FAM120A: variants seen among roughly 807,000 people sequenced by gnomAD.
FAM120A encodes family with sequence similarity 120 member A, also known as constitutive coactivator of PPAR-gamma-like protein 1.
In FAM120A, 15 loss-of-function variants were observed where a neutral mutation model predicts 109.7. The observed-to-expected ratio is 0.14, with a 90% confidence interval of 0.09 to 0.21. FAM120A has a LOEUF of 0.21. FAM120A is among the 10% of genes least tolerant of loss of function. The probability of loss-of-function intolerance (pLI) is 1.00; values close to 1 mark genes in which losing one functional copy is unlikely to be tolerated. For synonymous variants in FAM120A, 493 were observed against 572.8 expected (o/e 0.86, Z 1.99); for missense variants, 899 against 1,439.3 (o/e 0.62, Z 6.07).
At chr9:93,562,103 T>C in intron 16 of FAM120A, 105 bp from the exon 17 acceptor site, 1 of 982,390 alleles carries the variant, frequency 1.0e-6, no homozygotes, top group Non-Finnish European at 1.5e-6. Context: ...AATTCAGTGC[T>C]TCATAAAACG....
intron 10 of FAM120A, 152 bp from the exon 11 acceptor site, chr9:93,543,070 A>G: frequency 1.1e-6 from 1 of 906,822 alleles, no homozygotes. Flanking sequence ...ACCCACAAGG[A>G]CTTGATGATT....
chr9:93,525,762 G>A (rs1020781189), intron 7 of FAM120A, among the ~76,000 whole-genome samples: 6 of 152,150 alleles, frequency 3.9e-5, no homozygotes, highest in African/African-American at 9.7e-5. Context: ...GGTTTTTGAC[G>A]TGTCTGAGCC....
chr9:93,497,506 C>CG lies in FAM120A; in HGVS notation c.841dup (p.Val281GlyfsTer8), dbSNP rs1564327676. The CG allele has an allele frequency of 6.2e-7, 1 of 1,613,476 alleles. No individual in the cohort carries two copies. Among genetic ancestry groups the CG allele is most frequent in the African/African-American group, 1.3e-5 (1 of 74,852 alleles). ...ACCAGCTGGTCTTGCCACCTTGCGACGTAGTGATCAAAGCCGTTGCTGACT... is the reference window on the plus strand; with the variant it reads ...ACCAGCTGGTCTTGCCACCTTGCGACGGTAGTGATCAAAGCCGTTGCTGACT... On this transcript the variant is annotated frameshift_variant, in exon 4 of 18. Transcript: ENST00000277165. LOFTEE classifies it high-confidence loss of function.
At chr9:93,549,067 C>CA (rs202093808) in intron 11 of FAM120A, among the ~76,000 whole-genome samples, 11,776 of 150,196 alleles carry the variant, frequency 0.078, 580 homozygotes, top group Non-Finnish European at 0.11. Context: ...AAAAACAAAC[C>CA]AAAAAAAAAC....
rs532707437 is a variant in FAM120A, at chr9:93,538,839, C to T, written c.1910-4383C>T. ...CTTAGTTGTCATGTTAAATGTGCTACTAAAAGAAGATGACTAACACCTGAT... is the reference window on the plus strand; with the variant it reads ...CTTAGTTGTCATGTTAAATGTGCTATTAAAAGAAGATGACTAACACCTGAT... On this transcript the variant is annotated intron_variant, in intron 10 of 17. Transcript: ENST00000277165. Among the ~76,000 whole-genome samples the T allele has an allele frequency of 1.1e-3, 171 of 152,134 alleles. 2 individuals are homozygous for T. Among genetic ancestry groups the T allele is most frequent in the African/African-American group, 4.0e-3 (168 of 41,534 alleles).
At position 93,564,579 on chromosome 9, in the gene FAM120A, A is replaced by C. The variant is rs777579126; in HGVS notation, c.*39A>C. 1 of 1,524,754 alleles carries C rather than the reference A, an allele frequency of 6.6e-7. No individual in the cohort carries two copies. Among genetic ancestry groups the C allele is most frequent in the Admixed American group, 1.8e-5 (1 of 54,072 alleles). 94.5% of individuals were successfully genotyped at this position (1,524,754 alleles called of 1,614,324 possible). A position where few individuals can be genotyped will look rare whatever the true frequency, so the allele number is the denominator to read the frequency against. Reference sequence around the variant, plus strand: ...AGAGGGTGAAGGATGCTGGAAGGGTAAGGATTTAGGAATATCTGGAGAGAA... The same window carrying C: ...AGAGGGTGAAGGATGCTGGAAGGGTCAGGATTTAGGAATATCTGGAGAGAA... On this transcript the variant is annotated 3_prime_UTR_variant, in exon 18 of 18. Coordinates refer to ENST00000277165, the MANE Select transcript of FAM120A (RefSeq NM_014612.5).
At chr9:93,484,476 C>T (rs560386595) in intron 3 of FAM120A, among the ~76,000 whole-genome samples, 2 of 152,162 alleles carry the variant, frequency 1.3e-5, no homozygotes, top group South Asian at 2.1e-4. Context: ...TGAAAGATAC[C>T]GTGTTGGTAG....
Position 93,498,934 on chromosome 9 carries a change from A to G in FAM120A, c.1030+48A>G. ...TCAATATTGACCATATGATAATCCAAGTAGGTTTAAATATTCACCATATAA... is the reference window on the plus strand; with the variant it reads ...TCAATATTGACCATATGATAATCCAGGTAGGTTTAAATATTCACCATATAA... On this transcript the variant is annotated intron_variant, in intron 5 of 17. Coordinates refer to ENST00000277165, the MANE Select transcript of FAM120A (RefSeq NM_014612.5). The surrounding 1 kb of genome is among the most constrained non-coding windows in gnomAD (Gnocchi z 4.4). 2 of 1,107,726 alleles carry G rather than the reference A, an allele frequency of 1.8e-6. No homozygotes were observed. The highest frequency in any genetic ancestry group is 2.8e-6 in the Non-Finnish European group (2 of 723,524). The allele number at this position is 1,107,726 out of a possible 1,614,324, so 68.6% of individuals were successfully genotyped here.
intron 3 of FAM120A, among the ~76,000 whole-genome samples, chr9:93,484,731 G>A (rs1443769496): frequency 1.3e-5 from 2 of 152,028 alleles, no homozygotes; most frequent in African/African-American, 2.4e-5. Flanking sequence ...GTGCCACCAC[G>A]CCTGGCTGAT....
chr9:93,485,150 T>C lies in FAM120A; in HGVS notation c.804+8812T>C, dbSNP rs1387515866. On this transcript the variant is annotated intron_variant, in intron 3 of 17. Transcript: ENST00000277165. ...ACTCATGGCAGATCAGACACTGTTG[T>C]TGCACGCTAACTGTACACTGAGGGC... Among the ~76,000 whole-genome samples, 3 of 152,134 alleles carry C rather than the reference T, an allele frequency of 2.0e-5. No individual in the cohort carries two copies. The East Asian group carries it at 5.8e-4, about 29-fold the overall frequency.
At chr9:93,455,198 T>C (rs1857498770) in intron 1 of FAM120A, among the ~76,000 whole-genome samples, 1 of 152,230 alleles carries the variant, frequency 6.6e-6, no homozygotes, top group South Asian at 2.1e-4. Flanking sequence ...TACTTAGCAA[T>C]AATAAGGAAG....
chr9:93,452,348 G>C lies in FAM120A; in HGVS notation c.433G>C (p.Ala145Pro), dbSNP rs868811104. ...CTGGTTCCTGCCGCCCGTCTGCATG[G>C]CCCACTGCATCCGCCTGGCGCTCAT... is the stretch of plus-strand genomic sequence containing the variant. Reference protein sequence around the residue: ...KVWFLPPVCMAHCIRLALIRF... With the variant: ...KVWFLPPVCMPHCIRLALIRF... The change falls in exon 1 of 18, where the codon GCC (alanine) becomes CCC (proline). Residue 145 changes from alanine (A) to proline (P), a missense_variant. Physicochemically the swap from Ala to Pro is conservative, Grantham distance 27 (BLOSUM62 -1). Around this residue, in one of 11 missense-constraint regions of FAM120A, gnomAD observed 258 missense variants for 451.4 expected, o/e 0.57. Transcript: ENST00000277165. This position sits in a 1 kb window ranked among gnomAD's most constrained non-coding sequence, Gnocchi z 7.0. 1 of 1,612,630 alleles carries C rather than the reference G, an allele frequency of 6.2e-7. No homozygotes were observed. Among genetic ancestry groups the C allele is most frequent in the South Asian group, 1.1e-5 (1 of 90,968 alleles).
chr9:93,485,966 C>T (rs1391330061), intron 3 of FAM120A, among the ~76,000 whole-genome samples: 1 of 152,060 alleles, frequency 6.6e-6, no homozygotes, highest in Admixed American at 6.6e-5. Context: ...TGTATCAGTA[C>T]TTTATTCCTT....
chr9:93,504,494 A>G (rs751045008), intron 5 of FAM120A, among the ~76,000 whole-genome samples: 2 of 152,152 alleles, frequency 1.3e-5, no homozygotes, highest in African/African-American at 2.4e-5. Flanking sequence ...GTGCTTCTCT[A>G]TATAATTTTA....
chr9:93,562,559 C>T (rs771844128), intron 17 of FAM120A, among the ~76,000 whole-genome samples: 10 of 152,176 alleles, frequency 6.6e-5, no homozygotes, highest in Non-Finnish European at 8.8e-5. Flanking sequence ...CTGGTAGCTT[C>T]CCGCCTGGTG....
In FAM120A at chr9:93,529,485, C is replaced by T; in HGVS notation, c.1639C>T (p.Pro547Ser). The T allele has an allele frequency of 1.2e-6, 2 of 1,614,232 alleles. No homozygotes were observed. The highest frequency in any genetic ancestry group is 1.1e-5 in the South Asian group (1 of 91,082). ...GAACCACATGGACATCACCACACCT[C>T]CCCTGCCCCCCGTCGCACCTGAGGT... ...TRNHMDITTP[P>S]LPPVAPEVLR... Residue 547 changes from proline to serine, a missense_variant, in exon 9 of 18, where the codon CCC becomes TCC. This residue lies in a region of FAM120A where 133 missense variants were observed against 276.6 expected (regional missense o/e 0.48). Transcript: ENST00000277165.
intron 15 of FAM120A, among the ~76,000 whole-genome samples, chr9:93,559,768 G>T (rs952920780): frequency 6.6e-6 from 1 of 152,206 alleles, no homozygotes; most frequent in East Asian, 1.9e-4. Context: ...AGGGAGAGGG[G>T]AGATTGTACT....
intron 1 of FAM120A, chr9:93,453,723 G>A (rs1166763399): frequency 5.1e-6 from 4 of 782,032 alleles, no homozygotes; most frequent in Non-Finnish European, 6.2e-6. Context: ...GGGAAGTTCG[G>A]GTGAGAGGAA....
intron 5 of FAM120A, among the ~76,000 whole-genome samples, chr9:93,512,772 A>G (rs1461749468): frequency 6.6e-6 from 1 of 152,256 alleles, no homozygotes; most frequent in Non-Finnish European, 1.5e-5. Flanking sequence ...GCACTTCTGC[A>G]GCCTTCAGAA....
Sources: gnomAD v4.1 joint callset for allele counts (sites outside exome capture counted in the v4.1 genomes callset) on GRCh38, gnomAD v4.1.1 for gene constraint, gnomAD v4.1.1 regional missense constraint, Gnocchi (gnomAD v3.1) non-coding constraint, MANE v1.5 for transcripts, NCBI Gene and HGNC (gene_info 2026-07-23, HGNC 2026-07-21) for gene names.